LGI2: variants seen among roughly 807,000 people sequenced by gnomAD.
The protein encoded by LGI2 is leucine rich repeat LGI family member 2.
LGI2 carries 30 observed loss-of-function variants against 52.0 expected under a neutral mutation model. That is an observed-to-expected ratio of 0.58 (90% CI 0.43 to 0.78). The LOEUF (loss-of-function observed/expected upper bound fraction) is 0.78, where lower values mean the gene tolerates loss of function less well. Ranked by LOEUF, LGI2 falls within the 30% of genes least tolerant of loss-of-function variation. The probability of loss-of-function intolerance (pLI) is 0.00; values close to 1 mark genes in which losing one functional copy is unlikely to be tolerated. For synonymous variants in LGI2, 270 were observed against 271.8 expected (o/e 0.99, Z 0.06); for missense variants, 573 against 692.5 (o/e 0.83, Z 1.94).
At chr4:25,025,821 T>G (rs1001496786) in intron 3 of LGI2, among the ~76,000 whole-genome samples, 51 of 152,228 alleles carry the variant, frequency 3.4e-4, no homozygotes, top group Non-Finnish European at 8.8e-5. Flanking sequence ...GACTTCAGCA[T>G]AAACTGATGA....
At chr4:25,013,796 G>A (rs1725664627) in intron 6 of LGI2, among the ~76,000 whole-genome samples, 1 of 152,090 alleles carries the variant, frequency 6.6e-6, no homozygotes, top group South Asian at 2.1e-4. Flanking sequence ...AAGAGTCATG[G>A]CTCTCCCTCA....
the LGI2 span, among the ~76,000 whole-genome samples, chr4:24,992,558 A>T: frequency 4.6e-5 from 7 of 150,892 alleles, no homozygotes; most frequent in Admixed American, 1.3e-4. Flanking sequence ...TACTAAAAAT[A>T]AAAAAAAATA....
At chr4:24,996,101 AG>A (rs1279952537), downstream of LGI2, among the ~76,000 whole-genome samples, 3 of 152,178 alleles carry the variant, frequency 2.0e-5, no homozygotes. Flanking sequence ...CTCTTCTTTC[AG>A]GGGTACCGTA....
intron 3 of LGI2, among the ~76,000 whole-genome samples, chr4:25,026,012 G>A (rs374412604): frequency 3.9e-5 from 6 of 151,974 alleles, no homozygotes; most frequent in African/African-American, 7.3e-5. Context: ...AGTATTATGC[G>A]AATACACATA....
Position 25,018,051 on chromosome 4 carries a change from G to C in LGI2, c.593C>G (p.Pro198Arg). The change falls in exon 6 of 8, where the codon CCA becomes CGA. Residue 198 changes from proline to arginine, a missense_variant. Coordinates refer to ENST00000382114, the MANE Select transcript of LGI2 (RefSeq NM_018176.4). ...ATTTAGCTTCTTTTCCTGATACTCT[G>C]GTGGACCAATACACAGCACATCAGA... is the stretch of plus-strand genomic sequence containing the variant. ...TVSDVLCIGP[P>R]EYQEKKLNDV... 6.2e-7 allele frequency: 1 copy of C among 1,613,314 alleles called. No individual in the cohort carries two copies. The highest frequency in any genetic ancestry group is 1.3e-5 in the African/African-American group (1 of 74,990).
rs192239497 is a variant in LGI2, at chr4:25,029,051, G to A, written c.198-473C>T. Among the ~76,000 whole-genome samples the A allele has an allele frequency of 4.6e-5, 7 of 152,256 alleles. No homozygotes were observed. In the East Asian group the frequency reaches 1.4e-3, roughly 29 times the overall value. ...TTAAATGCAACATGAAAGCCCTGGG[G>A]AAAAACTCACAGACACCTGAACTCC... On this transcript the variant is annotated intron_variant, in intron 1 of 7. Transcript: ENST00000382114.
downstream of LGI2, among the ~76,000 whole-genome samples, chr4:24,998,025 G>A (rs7657398): frequency 0.16 from 23,579 of 151,838 alleles, 1,861 homozygotes; most frequent in East Asian, 0.24. Flanking sequence ...CTAGAGGTGC[G>A]TGCCACCACA....
chr4:25,021,999 T>G (rs968352433), intron 4 of LGI2, among the ~76,000 whole-genome samples: 6 of 149,538 alleles, frequency 4.0e-5, no homozygotes, highest in Non-Finnish European at 8.9e-5. Flanking sequence ...GAAATCTAAC[T>G]CCATTAAGAA....
chr4:25,030,515 G>C lies in LGI2; in HGVS notation c.179C>G (p.Pro60Arg), dbSNP rs750441647. 2 of 1,593,396 alleles carry C rather than the reference G, an allele frequency of 1.3e-6. No homozygotes were observed. Among genetic ancestry groups the C allele is most frequent in the South Asian group, 2.3e-5 (2 of 87,258 alleles). Residue 60 changes from proline (P) to arginine (R), a missense_variant, in exon 1 of 8, where the codon CCG becomes CGG. Pro to Arg is a moderately radical substitution (Grantham distance 103). Transcript: ENST00000382114. Reference sequence around the variant, plus strand: ...CACTCACAGGGAGCTGATGTCGCCCGGCACGATCCTGGGCACCCAGGAAGA... The same window carrying C: ...CACTCACAGGGAGCTGATGTCGCCCCGCACGATCCTGGGCACCCAGGAAGA... ...VGSSWVPRIV[P>R]GDISSLSLVN...
At position 25,028,876 on chromosome 4, in the gene LGI2, A is replaced by T. The variant is rs144806845; in HGVS notation, c.198-298T>A. Among the ~76,000 whole-genome samples, 1,172 of 152,330 alleles carry T rather than the reference A, an allele frequency of 7.7e-3. 9 individuals carry two copies. Among genetic ancestry groups the T allele is most frequent in the Non-Finnish European group, 0.013 (901 of 68,028 alleles). ...CCCTTCACTTCCTTTTCTTAACTAC[A>T]GGAGGTCCTTGCCTGAAAATGGATA... On this transcript the variant is annotated intron_variant, in intron 1 of 7. Transcript: ENST00000382114.
intron 4 of LGI2, among the ~76,000 whole-genome samples, chr4:25,023,615 A>G (rs946185628): frequency 7.9e-5 from 12 of 152,180 alleles, no homozygotes; most frequent in Non-Finnish European, 1.6e-4. Context: ...TCCACACTGT[A>G]CCAGTCAGGG....
intron 7 of LGI2, among the ~76,000 whole-genome samples, chr4:25,007,103 A>T (rs373291226): frequency 1.2e-3 from 177 of 152,232 alleles, no homozygotes; most frequent in African/African-American, 4.1e-3. Context: ...CATGTGGATG[A>T]TTCTTCAACA....
rs111760887 is a variant in LGI2, at chr4:25,019,256, C to T, written c.414-18G>A. The T allele has an allele frequency of 3.9e-6, 6 of 1,554,886 alleles. No individual in the cohort carries two copies. In the African/African-American group the frequency reaches 4.1e-5, roughly 11 times the overall value. ...CCAAAGAACTAGAACAAGAAAGTCA[C>T]ATTGCAATGTGATTATTATCTCATG... On this transcript the variant is annotated intron_variant, in intron 4 of 7. Transcript: ENST00000382114.
chr4:25,030,414 G>T (rs1726298675), intron 1 of LGI2, 83 bp downstream of exon 1: 2 of 1,433,006 alleles, frequency 1.4e-6, no homozygotes, highest in Non-Finnish European at 9.5e-7. Flanking sequence ...GGTCGCGCTG[G>T]CCCGGCGCCA....
chr4:25,015,955 T>C (rs757648703), intron 6 of LGI2, among the ~76,000 whole-genome samples: 5 of 152,206 alleles, frequency 3.3e-5, no homozygotes, highest in Non-Finnish European at 5.9e-5. Flanking sequence ...AAGCCAGAAT[T>C]ATCATCTCCC....
At chr4:25,018,561 G>A (rs906238288) in intron 5 of LGI2, among the ~76,000 whole-genome samples, 1 of 152,138 alleles carries the variant, frequency 6.6e-6, no homozygotes, top group Non-Finnish European at 1.5e-5. Flanking sequence ...TCAAGCTCTT[G>A]TTAAAACTAC....
chr4:24,993,576 C>T, the LGI2 span, among the ~76,000 whole-genome samples: 1 of 152,172 alleles, frequency 6.6e-6, no homozygotes, highest in East Asian at 1.9e-4. Context: ...TTCCTCCTGC[C>T]TTGCCTCCCA....
At chr4:25,021,936 A>AC (rs1478866964) in intron 4 of LGI2, among the ~76,000 whole-genome samples, 1 of 151,500 alleles carries the variant, frequency 6.6e-6, no homozygotes, top group Non-Finnish European at 1.5e-5. Flanking sequence ...ATCTCAAAAA[A>AC]AAAAAAAAAA....
Position 25,018,117 on chromosome 4 carries a change from T to C in LGI2, c.527A>G (p.Lys176Arg). 1 of 1,610,612 alleles carries C rather than the reference T, an allele frequency of 6.2e-7. No homozygotes were observed. Among genetic ancestry groups the C allele is most frequent in the African/African-American group, 1.3e-5 (1 of 74,924 alleles). Residue 176 changes from lysine (K) to arginine (R), a missense_variant, in exon 6 of 8, where the codon AAG (lysine) becomes AGG (arginine). By Grantham distance (26) the Lys-to-Arg change is conservative (BLOSUM62 2). Transcript: ENST00000382114. ...GNKFECDCKA[K>R]WLYLWLKMTN... is the part of the protein sequence containing the mutation. ...CATCTTCAACCACAGGTATAGCCAC[T>C]TGGCTTTGCAGTCACATTCAAATTT...
Sources: gnomAD v4.1 joint callset for allele counts (sites outside exome capture counted in the v4.1 genomes callset) on GRCh38, gnomAD v4.1.1 for gene constraint, MANE v1.5 for transcripts, NCBI Gene and HGNC (gene_info 2026-07-23, HGNC 2026-07-21) for gene names.